ZC3H14: variants seen among roughly 807,000 people sequenced by gnomAD.
ZC3H14 encodes zinc finger CCCH-type containing 14, also known as zinc finger CCCH domain-containing protein 14.
ZC3H14 carries 31 observed loss-of-function variants against 92.4 expected under a neutral mutation model. The ratio of observed to expected loss-of-function variants is 0.34; its 90% confidence interval spans 0.25 to 0.45. ZC3H14 has a LOEUF of 0.45. Ranked by LOEUF, ZC3H14 falls within the 20% of genes least tolerant of loss-of-function variation. The probability of loss-of-function intolerance (pLI) is 1.00; values close to 1 mark genes in which losing one functional copy is unlikely to be tolerated. For missense variants in ZC3H14, 781 were observed against 897.3 expected (o/e 0.87, Z 1.66); for synonymous variants, 321 against 300.9 (o/e 1.07, Z -0.69).
chr14:88,613,555 A>T lies in ZC3H14; in HGVS notation c.*1804A>T, dbSNP rs988876156. On this transcript the variant is annotated 3_prime_UTR_variant, in exon 17 of 17. Transcript: ENST00000251038. ...GCCACTGCCCAGACACATATTTAAGAGTTTAATCTTTCAGTTGCTATGGCT... is the reference window on the plus strand; with the variant it reads ...GCCACTGCCCAGACACATATTTAAGTGTTTAATCTTTCAGTTGCTATGGCT... 1 of 152,136 alleles carries T rather than the reference A, an allele frequency of 6.6e-6. No individual in the cohort carries two copies. Among genetic ancestry groups the T allele is most frequent in the Admixed American group, 6.5e-5 (1 of 15,268 alleles). The allele number at this position is 152,136 out of a possible 1,614,324, so 9.4% of individuals were successfully genotyped here. A position where few individuals can be genotyped will look rare whatever the true frequency, so the allele number is the denominator to read the frequency against.
At chr14:88,594,925 C>A in intron 9 of ZC3H14, 2 of 1,613,944 alleles carry the variant, frequency 1.2e-6, no homozygotes, top group Non-Finnish European at 1.7e-6. Flanking sequence ...GGAAGCAAAT[C>A]TTTTTGATCT....
intron 6 of ZC3H14, among the ~76,000 whole-genome samples, chr14:88,573,361 CAG>C (rs1211204667): frequency 1.3e-5 from 2 of 152,048 alleles, no homozygotes; most frequent in East Asian, 1.9e-4. Context: ...GCCTGGGCAA[CAG>C]AGCGAGACTC....
At position 88,602,819 on chromosome 14, in the gene ZC3H14, G is replaced by T; in HGVS notation, c.1515-9G>T. 6.2e-7 allele frequency: 1 copy of T among 1,613,758 alleles called. No individual in the cohort carries two copies. Among genetic ancestry groups the T allele is most frequent in the South Asian group, 1.1e-5 (1 of 91,012 alleles). ...CCTAATTCTATGGTATTTTTTATCTGTCTGGCAGAGATCTTGTACAACCAG... is the reference window on the plus strand; with the variant it reads ...CCTAATTCTATGGTATTTTTTATCTTTCTGGCAGAGATCTTGTACAACCAG... On this transcript the variant is annotated splice_polypyrimidine_tract_variant and intron_variant, in intron 11 of 16. Transcript: ENST00000251038.
rs1442315194 is a variant in ZC3H14 at position 88,616,429 on chromosome 14, A to G, written c.*4678A>G. 2 of 639,766 alleles carry G rather than the reference A, an allele frequency of 3.1e-6. No homozygotes were observed. The highest frequency in any genetic ancestry group is 2.9e-5 in the Admixed American group (1 of 34,802). 39.6% of individuals were successfully genotyped at this position (639,766 alleles called of 1,614,324 possible). A position where few individuals can be genotyped will look rare whatever the true frequency, so the allele number is the denominator to read the frequency against. ...AAAACCAGGCTGTGTGGGCAGTCAG[A>G]TGTCTCCAGGTACTCTGACCATTTT... is the stretch of plus-strand genomic sequence containing the variant. On this transcript the variant is annotated 3_prime_UTR_variant, in exon 17 of 17. Coordinates refer to ENST00000251038, the MANE Select transcript of ZC3H14 (RefSeq NM_024824.5).
rs2090028954 is a variant in ZC3H14, at chr14:88,627,091, G to C, written c.*15340G>C. On this transcript the variant is annotated 3_prime_UTR_variant, in exon 17 of 17. Transcript: ENST00000251038. ...TTATCTAGGTTATTACAAGAACCAA[G>C]CTAATCAACAGCATCAAACAAATAT... 6.3e-7 allele frequency: 1 copy of C among 1,586,304 alleles called. No individual in the cohort carries two copies. Among genetic ancestry groups the C allele is most frequent in the East Asian group, 2.2e-5 (1 of 44,744 alleles).
intron 9 of ZC3H14, among the ~76,000 whole-genome samples, chr14:88,582,773 C>G (rs2139770334): frequency 6.6e-6 from 1 of 152,266 alleles, no homozygotes; most frequent in East Asian, 1.9e-4. Flanking sequence ...GATATATTCA[C>G]AAGTGTGAAG....
chr14:88,565,729 C>G (rs946155666), intron 2 of ZC3H14, among the ~76,000 whole-genome samples: 3 of 152,168 alleles, frequency 2.0e-5, no homozygotes, highest in Non-Finnish European at 4.4e-5. Flanking sequence ...AGAATATCCA[C>G]CTTATCTGAA....
Position 88,615,783 on chromosome 14 carries a change from C to T in ZC3H14, c.*4032C>T, listed in dbSNP as rs369600644. ...GGTTTTTCTTCTCTGTAATTCTGGTCTCAAAGTTAATTTCTGTAGTCATCT... is the reference window on the plus strand; with the variant it reads ...GGTTTTTCTTCTCTGTAATTCTGGTTTCAAAGTTAATTTCTGTAGTCATCT... On this transcript the variant is annotated 3_prime_UTR_variant, in exon 17 of 17. Transcript: ENST00000251038. 6.2e-7 allele frequency: 1 copy of T among 1,601,614 alleles called. No individual in the cohort carries two copies. The highest frequency in any genetic ancestry group is 8.5e-7 in the Non-Finnish European group (1 of 1,173,958).
intron 9 of ZC3H14, among the ~76,000 whole-genome samples, chr14:88,587,152 T>C (rs1406677623): frequency 2.1e-5 from 3 of 144,338 alleles, no homozygotes; most frequent in Middle Eastern, 3.3e-3. Flanking sequence ...CTGAAAGATA[T>C]GTATCCTTCA....
At chr14:88,568,195 C>G in intron 3 of ZC3H14, 42 bp downstream of exon 3, 2 of 1,529,924 alleles carry the variant, frequency 1.3e-6, no homozygotes, top group South Asian at 2.3e-5. Context: ...AAGTTTGGCA[C>G]AAGCCTGAGT....
Position 88,603,134 on chromosome 14 carries a change from T to G in ZC3H14, c.1747+74T>G. The G allele has an allele frequency of 4.2e-6, 6 of 1,424,338 alleles. 1 individual carries two copies. The South Asian group carries it at 7.0e-5, about 17-fold the overall frequency. 88.2% of individuals were successfully genotyped at this position (1,424,338 alleles called of 1,614,324 possible). A position where few individuals can be genotyped will look rare whatever the true frequency, so the allele number is the denominator to read the frequency against. ...CTTTGACTTGTTTCTCTACCTTGAA[T>G]GAATATTGGTTAAAGGCCTTGCTTT... On this transcript the variant is annotated intron_variant, in intron 12 of 16. Transcript: ENST00000251038.
At chr14:88,590,632 A>G (rs920809379) in intron 9 of ZC3H14, 2 of 152,162 alleles carry the variant, frequency 1.3e-5, no homozygotes, top group African/African-American at 4.8e-5. Context: ...ATGTTTTTGT[A>G]GTTTAGGTAT....
At chr14:88,597,382 A>G (rs1245725490) in intron 10 of ZC3H14, among the ~76,000 whole-genome samples, 1 of 152,092 alleles carries the variant, frequency 6.6e-6, no homozygotes, top group Non-Finnish European at 1.5e-5. Flanking sequence ...ATGCATGTTC[A>G]ATGTCTTAAA....
At chr14:88,607,699 TCA>T in intron 13 of ZC3H14, among the ~76,000 whole-genome samples, 1 of 30,344 alleles carries the variant, frequency 3.3e-5, no homozygotes. Context: ...TACCACCCCC[TCA>T]TCTCACCCTG....
chr14:88,567,456 A>G (rs1441243310), intron 2 of ZC3H14, among the ~76,000 whole-genome samples: 2 of 147,174 alleles, frequency 1.4e-5, no homozygotes, highest in Non-Finnish European at 3.0e-5. Flanking sequence ...CCTCACCCTT[A>G]TAATCATTGT....
Position 88,625,574 on chromosome 14 carries a change from G to A in ZC3H14, c.*13823G>A, listed in dbSNP as rs980940609. On this transcript the variant is annotated 3_prime_UTR_variant, in exon 17 of 17. Transcript: ENST00000251038. ...CAGCCACCACGCCCGGCTAATTTTT[G>A]TATTTTTAGTAGAGACAGAGTTTCA... is the stretch of plus-strand genomic sequence containing the variant. The A allele has an allele frequency of 3.2e-5, 5 of 156,474 alleles. No homozygotes were observed. The highest frequency in any genetic ancestry group is 7.0e-5 in the Non-Finnish European group (5 of 70,940). The allele number at this position is 156,474 out of a possible 1,614,324, so 9.7% of individuals were successfully genotyped here. A position where few individuals can be genotyped will look rare whatever the true frequency, so the allele number is the denominator to read the frequency against.
chr14:88,567,231 T>G (rs2079795459), intron 2 of ZC3H14, among the ~76,000 whole-genome samples: 1 of 151,436 alleles, frequency 6.6e-6, no homozygotes, highest in Non-Finnish European at 1.5e-5. Context: ...TTCTCCTGCC[T>G]CGGCCTCCCG....
chr14:88,573,036 A>G, intron 6 of ZC3H14, 29 bp downstream of exon 6: 1 of 1,612,132 alleles, frequency 6.2e-7, no homozygotes, highest in Non-Finnish European at 8.5e-7. Flanking sequence ...ATTCTGGCTT[A>G]GGCTAAAAAT....
intron 15 of ZC3H14, 137 bp downstream of exon 15, chr14:88,609,940 C>T (rs777092864): frequency 1.3e-4 from 121 of 931,866 alleles, no homozygotes; most frequent in Non-Finnish European, 1.6e-4. Flanking sequence ...AGTTGTTCCT[C>T]GTCACTGAAC....
Sources: gnomAD v4.1 joint callset for allele counts (sites outside exome capture counted in the v4.1 genomes callset) on GRCh38, gnomAD v4.1.1 for gene constraint, MANE v1.5 for transcripts, NCBI Gene and HGNC (gene_info 2026-07-23, HGNC 2026-07-21) for gene names.